Variants in MVP observed in about 807,000 individuals in gnomAD.
The protein encoded by MVP is major vault protein, also known as lung resistance-related protein.
A neutral mutation model predicts 83.5 loss-of-function variants in MVP; 62 were observed. That is an observed-to-expected ratio of 0.74 (90% CI 0.61 to 0.92). The LOEUF is 0.92. Ranked by LOEUF, MVP falls within the 40% of genes least tolerant of loss-of-function variation. The pLI, the probability that MVP is intolerant of heterozygous loss-of-function variation, is 0.00. For missense variants in MVP, 1,000 were observed against 1,203.4 expected (o/e 0.83, Z 2.50); for synonymous variants, 505 against 504.1 (o/e 1.00, Z -0.02).
At chr16:29,831,665 G>A (rs1169282689) in intron 3 of MVP, 1 of 455,982 alleles carries the variant, frequency 2.2e-6, no homozygotes, top group Non-Finnish European at 4.4e-6. Context: ...TACCAGAAGT[G>A]CCCAGCCAGT....
At chr16:29,838,868 G>A (rs1035865272) in intron 7 of MVP, among the ~76,000 whole-genome samples, 1 of 152,054 alleles carries the variant, frequency 6.6e-6, no homozygotes, top group Non-Finnish European at 1.5e-5. Context: ...CTACAACATG[G>A]ATAAAATTGA....
chr16:29,830,895 T>G lies in MVP; in HGVS notation c.143T>G (p.Met48Arg). 1 of 1,612,878 alleles carries G rather than the reference T, an allele frequency of 6.2e-7. No individual in the cohort carries two copies. The highest frequency in any genetic ancestry group is 8.5e-7 in the Non-Finnish European group (1 of 1,179,072). Residue 48 changes from methionine to arginine, a missense_variant, in exon 3 of 15, where the codon ATG becomes AGG. Coordinates refer to ENST00000357402, the MANE Select transcript of MVP (RefSeq NM_005115.5). ...TCCTGCAGGGTACTGTTTGCCCCCA[T>G]GCGCATGGTGACCGTCCCCCCACGT... Reference protein sequence around the residue: ...QDNERVLFAPMRMVTVPPRHY... With the variant: ...QDNERVLFAPRRMVTVPPRHY...
chr16:29,842,082 C>T lies in MVP; in HGVS notation c.1604C>T (p.Ala535Val). ...DVITIETADH[A>V]RLQLQLAYNW... ...ATCACCATCGAAACGGCGGATCATGCCAGGCTGCAACTGCAGCTGGCCTAC... is the reference window on the plus strand; with the variant it reads ...ATCACCATCGAAACGGCGGATCATGTCAGGCTGCAACTGCAGCTGGCCTAC... The change falls in exon 10 of 15, where the codon GCC (alanine) becomes GTC (valine). Residue 535 changes from alanine to valine, a missense_variant. Ala to Val is a moderately conservative substitution (Grantham distance 64). Transcript: ENST00000357402. The T allele has an allele frequency of 6.2e-7, 1 of 1,605,744 alleles. No homozygotes were observed.
chr16:29,824,033 C>G (rs1228949736), intron 1 of MVP, among the ~76,000 whole-genome samples: 2 of 151,354 alleles, frequency 1.3e-5, no homozygotes, highest in East Asian at 3.9e-4. Context: ...CCAGCCTGAC[C>G]AACATGGCGA....
intron 1 of MVP, among the ~76,000 whole-genome samples, chr16:29,827,617 A>G (rs2067413284): frequency 6.6e-6 from 1 of 152,210 alleles, no homozygotes; most frequent in African/African-American, 2.4e-5. Context: ...ATATTTGGCA[A>G]TTTAAATTAA....
At chr16:29,827,990 T>C (rs1418202109) in intron 1 of MVP, among the ~76,000 whole-genome samples, 1 of 152,194 alleles carries the variant, frequency 6.6e-6, no homozygotes, top group Non-Finnish European at 1.5e-5. Context: ...GACAGAGTCT[T>C]GCTCTGTCGC....
intron 1 of MVP, among the ~76,000 whole-genome samples, chr16:29,823,697 CA>C (rs989141059): frequency 1.1e-4 from 16 of 151,560 alleles, no homozygotes; most frequent in African/African-American, 3.6e-4. Flanking sequence ...ACTAAAAATA[CA>C]AAAAAAATTA....
At position 29,847,171 on chromosome 16, in the gene MVP, A is replaced by G. The variant is rs376298692; in HGVS notation, c.2266-26A>G. On this transcript the variant is annotated intron_variant, in intron 13 of 14. Coordinates refer to ENST00000357402, the MANE Select transcript of MVP (RefSeq NM_005115.5). ...CATTCCAGCCTGGGTCAAAAAATAA[A>G]GAATGATTGATTTTTCCTCTTCCAG... 2.7e-4 allele frequency: 433 copies of G among 1,608,754 alleles called. 1 individual carries two copies. In the African/African-American group the frequency reaches 5.3e-3, roughly 20 times the overall value.
chr16:29,833,168 G>C (rs1262408115), intron 3 of MVP, among the ~76,000 whole-genome samples: 1 of 152,070 alleles, frequency 6.6e-6, no homozygotes, highest in Non-Finnish European at 1.5e-5. Context: ...GATTGAGACT[G>C]TTGTGAGCCA....
At position 29,824,900 on chromosome 16, in the gene MVP, CTTTT is replaced by C. The variant is rs753917886; in HGVS notation, c.-36+4401_-36+4404del. On this transcript the variant is annotated intron_variant, in intron 1 of 14. Transcript: ENST00000357402. ...GCCAAGAGTCTGATCCGGTCTCCCT[CTTTT>C]TTTTTTTTTTCTTTCTTTAAAGAGA... 4.1e-5 allele frequency among the ~76,000 whole-genome samples: 6 copies of C among 144,942 alleles called. No individual in the cohort carries two copies. In the East Asian group the frequency reaches 1.0e-3, roughly 24 times the overall value.
rs1036130298 is a variant in MVP at position 29,841,140 on chromosome 16, G to A, written c.1192-456G>A. On this transcript the variant is annotated intron_variant, in intron 8 of 14. Transcript: ENST00000357402. The surrounding 1 kb of genome is among the most constrained non-coding windows in gnomAD (Gnocchi z 4.7). Reference sequence around the variant, plus strand: ...AAAACCTTGACCTTGATTTGACCTCGGGCCACATCTCCAACCTTCTCTAAG... The same window carrying A: ...AAAACCTTGACCTTGATTTGACCTCAGGCCACATCTCCAACCTTCTCTAAG... Among the ~76,000 whole-genome samples the A allele has an allele frequency of 2.6e-4, 39 of 151,788 alleles. No homozygotes were observed. The highest frequency in any genetic ancestry group is 8.7e-4 in the African/African-American group (36 of 41,384).
chr16:29,827,389 G>T (rs1370721375), intron 1 of MVP, among the ~76,000 whole-genome samples: 3 of 152,160 alleles, frequency 2.0e-5, no homozygotes, highest in African/African-American at 7.2e-5. Context: ...AAACACGAAA[G>T]CAGCCGATCA....
At chr16:29,825,763 G>T (rs531981353) in intron 1 of MVP, among the ~76,000 whole-genome samples, 7 of 152,210 alleles carry the variant, frequency 4.6e-5, no homozygotes, top group African/African-American at 1.2e-4. Context: ...CCTCAGCTGT[G>T]GGGGGTGTTG....
rs1240338867 is a variant in MVP at position 29,847,270 on chromosome 16, A to C, written c.2339A>C (p.Glu780Ala). The change falls in exon 14 of 15, where the codon GAG (glutamate) becomes GCG (alanine). Residue 780 changes from glutamate (E) to alanine (A), a missense_variant. Glu to Ala is a moderately radical substitution (Grantham distance 107). Transcript: ENST00000357402. ...LVYARAQLELEVSKAQQLAEV... is the reference protein window; with the variant it reads ...LVYARAQLELAVSKAQQLAEV... Reference sequence around the variant, plus strand: ...TATGCCCGGGCCCAGCTGGAGCTGGAGGTGAGCAAGGCTCAGCAGCTGGCT... The same window carrying C: ...TATGCCCGGGCCCAGCTGGAGCTGGCGGTGAGCAAGGCTCAGCAGCTGGCT... 6.2e-7 allele frequency: 1 copy of C among 1,613,736 alleles called. No individual in the cohort carries two copies. Among genetic ancestry groups the C allele is most frequent in the East Asian group, 2.2e-5 (1 of 44,840 alleles).
At chr16:29,832,058 G>A (rs2067447544) in intron 3 of MVP, among the ~76,000 whole-genome samples, 1 of 152,074 alleles carries the variant, frequency 6.6e-6, no homozygotes, top group Non-Finnish European at 1.5e-5. Flanking sequence ...GGGATTACAG[G>A]CATGAGCCAC....
At chr16:29,832,009 T>C (rs573040587) in intron 3 of MVP, among the ~76,000 whole-genome samples, 1 of 152,066 alleles carries the variant, frequency 6.6e-6, no homozygotes, top group South Asian at 2.1e-4. Context: ...CTTGATCTCC[T>C]GACCTCATGA....
chr16:29,847,950 A>G lies in MVP; in HGVS notation c.2643A>G (p.Gln881=), dbSNP rs201164205. 1.7e-5 allele frequency: 28 copies of G among 1,610,370 alleles called. No individual in the cohort carries two copies. The East Asian group carries it at 6.0e-4, about 35-fold the overall frequency. Residue 881 remains glutamine, a synonymous_variant, in exon 15 of 15, where the codon CAA becomes CAG. Transcript: ENST00000357402. ...CCCCCCAGTCTGCTCAGGCCCCTCA[A>G]GCTCCTGGAGACAACCACGTGGTGC... is the stretch of plus-strand genomic sequence containing the variant. ...GISPQSAQAP[Q]APGDNHVVPV...
At position 29,841,504 on chromosome 16, in the gene MVP, C is replaced by T; in HGVS notation, c.1192-92C>T. 6.8e-7 allele frequency: 1 copy of T among 1,477,616 alleles called. No individual in the cohort carries two copies. Among genetic ancestry groups the T allele is most frequent in the Non-Finnish European group, 9.0e-7 (1 of 1,110,330 alleles). The allele number at this position is 1,477,616 out of a possible 1,614,324, so 91.5% of individuals were successfully genotyped here. ...GAAGGTGTTTAACCTCGTGGCGCGC[C>T]TTCCCTGGATGGGCTCTGCTTTGGG... is the stretch of plus-strand genomic sequence containing the variant. On this transcript the variant is annotated intron_variant, in intron 8 of 14. Coordinates refer to ENST00000357402, the MANE Select transcript of MVP (RefSeq NM_005115.5). This position sits in a 1 kb window ranked among gnomAD's most constrained non-coding sequence, Gnocchi z 4.7.
intron 3 of MVP, 125 bp from the exon 4 acceptor site, chr16:29,833,608 C>G: frequency 7.5e-7 from 1 of 1,335,172 alleles, no homozygotes; most frequent in Non-Finnish European, 1.0e-6. Context: ...CTGTGCCCGG[C>G]CTCCACCCCA....
Sources: gnomAD v4.1 joint callset for allele counts (sites outside exome capture counted in the v4.1 genomes callset) on GRCh38, gnomAD v4.1.1 for gene constraint, Gnocchi (gnomAD v3.1) non-coding constraint, MANE v1.5 for transcripts, NCBI Gene and HGNC (gene_info 2026-07-23, HGNC 2026-07-21) for gene names.